MITF: variants seen among roughly 807,000 people sequenced by gnomAD.
The protein encoded by MITF is microphthalmia-associated transcription factor.
MITF carries 17 observed loss-of-function variants against 60.5 expected under a neutral mutation model. The observed-to-expected ratio is 0.28, with a 90% CI of 0.19 to 0.42. The LOEUF is 0.42. Among genes scored for constraint, MITF ranks in the 10% least tolerant of loss-of-function variants. The pLI, the probability that MITF is intolerant of heterozygous loss-of-function variation, is 1.00. For missense variants in MITF, 622 were observed against 683.5 expected (o/e 0.91, Z 1.00); for synonymous variants, 260 against 248.5 (o/e 1.05, Z -0.43).
At chr3:69,835,661 G>T (rs2063528503) in intron 1 of MITF, among the ~76,000 whole-genome samples, 1 of 152,108 alleles carries the variant, frequency 6.6e-6, no homozygotes, top group African/African-American at 2.4e-5. Flanking sequence ...TATATGGTGA[G>T]AGGTAGGGGC....
chr3:69,845,994 G>A (rs2063725723), intron 1 of MITF, among the ~76,000 whole-genome samples: 1 of 152,182 alleles, frequency 6.6e-6, no homozygotes, highest in African/African-American at 2.4e-5. Flanking sequence ...TGGGAATAGA[G>A]CAGTAAATAA....
intron 2 of MITF, among the ~76,000 whole-genome samples, chr3:69,908,432 C>T (rs1391155886): frequency 6.6e-6 from 1 of 151,982 alleles, no homozygotes; most frequent in African/African-American, 2.4e-5. Context: ...TCTTTTTGTA[C>T]ACCAGCCCCA....
In MITF at chr3:69,965,742, G is replaced by A. The variant is rs2066674985; in HGVS notation, c.*494G>A. 4 of 235,842 alleles carry A rather than the reference G, an allele frequency of 1.7e-5. No individual in the cohort carries two copies. Among genetic ancestry groups the A allele is most frequent in the Non-Finnish European group, 3.3e-5 (4 of 119,586 alleles). 14.6% of individuals were successfully genotyped at this position (235,842 alleles called of 1,614,324 possible). A position where few individuals can be genotyped will look rare whatever the true frequency, so the allele number is the denominator to read the frequency against. On this transcript the variant is annotated 3_prime_UTR_variant, in exon 10 of 10. Transcript: ENST00000352241. ...ATTGATTCATTGGTACTGCCTTAAA[G>A]ATACAGTACCCCTCTAGCTTTGTTT...
At chr3:69,880,888 G>A (rs995543789) in intron 2 of MITF, among the ~76,000 whole-genome samples, 3 of 151,862 alleles carry the variant, frequency 2.0e-5, no homozygotes, top group African/African-American at 4.8e-5. Context: ...ATGGATTTGG[G>A]CTACTAGTGG....
At chr3:69,924,749 T>A (rs1403077714) in intron 2 of MITF, among the ~76,000 whole-genome samples, 3 of 152,170 alleles carry the variant, frequency 2.0e-5, no homozygotes, top group Non-Finnish European at 2.9e-5. Context: ...GAATTTACAA[T>A]TTCCCTAAAA....
chr3:69,840,760 T>C (rs1415185745), intron 1 of MITF, among the ~76,000 whole-genome samples: 1 of 151,676 alleles, frequency 6.6e-6, no homozygotes, highest in African/African-American at 2.4e-5. Context: ...TTTCTCTTTT[T>C]TTTTTTTTTT....
chr3:69,756,654 A>T lies in MITF; in HGVS notation c.104+16953A>T, dbSNP rs564071088. On this transcript the variant is annotated intron_variant, in intron 1 of 9. Coordinates refer to ENST00000352241, the MANE Select transcript of MITF (RefSeq NM_001354604.2). The stretch of plus-strand genomic sequence containing the variant: ...TAATCCTTTGGGTATATACCCAGTA[A>T]TGGGATTGCTGGGTCAAATGGTATT... Among the ~76,000 whole-genome samples, 25 of 152,306 alleles carry T rather than the reference A, an allele frequency of 1.6e-4. No homozygotes were observed. The South Asian group carries it at 3.3e-3, about 20-fold the overall frequency.
chr3:69,765,856 A>G (rs959233954), intron 1 of MITF, among the ~76,000 whole-genome samples: 1 of 152,236 alleles, frequency 6.6e-6, no homozygotes, highest in African/African-American at 2.4e-5. Context: ...TAACATTGCA[A>G]TGATAAGTTC....
At chr3:69,929,991 C>T (rs528628093) in intron 2 of MITF, among the ~76,000 whole-genome samples, 2 of 152,076 alleles carry the variant, frequency 1.3e-5, no homozygotes, top group East Asian at 3.9e-4. Flanking sequence ...ATTTTTTGAC[C>T]TACCCCCGCC....
rs2066666456 is a variant in MITF at position 69,965,391 on chromosome 3, T to C, written c.*143T>C. ...GCTTTATCAATAGCCCAGGATATATTTTATTTTTAGAATTTTGTGAAACAG... is the reference window on the plus strand; with the variant it reads ...GCTTTATCAATAGCCCAGGATATATCTTATTTTTAGAATTTTGTGAAACAG... On this transcript the variant is annotated 3_prime_UTR_variant, in exon 10 of 10. Coordinates refer to ENST00000352241, the MANE Select transcript of MITF (RefSeq NM_001354604.2). 1 of 825,412 alleles carries C rather than the reference T, an allele frequency of 1.2e-6. No individual in the cohort carries two copies. Among genetic ancestry groups the C allele is most frequent in the Non-Finnish European group, 1.8e-6 (1 of 540,710 alleles). The allele number at this position is 825,412 out of a possible 1,614,324, so 51.1% of individuals were successfully genotyped here. A position where few individuals can be genotyped will look rare whatever the true frequency, so the allele number is the denominator to read the frequency against.
chr3:69,938,172 C>G (rs1459216945), intron 3 of MITF, 123 bp downstream of exon 3: 1 of 1,209,802 alleles, frequency 8.3e-7, no homozygotes, highest in African/African-American at 1.5e-5. Flanking sequence ...CAGCCTTTGT[C>G]CCCGATTCAC....
chr3:69,844,820 G>T (rs62252239), intron 1 of MITF, among the ~76,000 whole-genome samples: 22,851 of 151,914 alleles, frequency 0.15, 2,012 homozygotes, highest in South Asian at 0.21. Context: ...CCAGTGCTGA[G>T]ACAATTTCAC....
chr3:69,828,940 G>A (rs1288042410), intron 1 of MITF, among the ~76,000 whole-genome samples: 1 of 114,016 alleles, frequency 8.8e-6, no homozygotes, highest in Admixed American at 8.1e-5. Context: ...CTGGAATATC[G>A]TGTGAGTGTG....
At chr3:69,961,598 G>A (rs912117544) in intron 9 of MITF, among the ~76,000 whole-genome samples, 1 of 151,736 alleles carries the variant, frequency 6.6e-6, no homozygotes, top group Non-Finnish European at 1.5e-5. Context: ...GCTGGGCATG[G>A]TGGTGGATGC....
rs2066721701 is a variant in MITF, at chr3:69,967,642, C to G, written c.*2394C>G. 8.6e-6 allele frequency: 2 copies of G among 233,288 alleles called. No individual in the cohort carries two copies. Among genetic ancestry groups the G allele is most frequent in the Non-Finnish European group, 1.7e-5 (2 of 117,978 alleles). The allele number at this position is 233,288 out of a possible 1,614,324, so 14.5% of individuals were successfully genotyped here. On this transcript the variant is annotated 3_prime_UTR_variant, in exon 10 of 10. Coordinates refer to ENST00000352241, the MANE Select transcript of MITF (RefSeq NM_001354604.2). ...ATTGCCTGCCTCCCCCTCCCCTTCT[C>G]CTTAAGAGACAATTTCTGCAGGTGG...
rs1184651636 is a variant in MITF, at chr3:69,830,325, A to G, written c.105-48809A>G. ...TCCTCACTCTTGCCCAGTGTGCTGC[A>G]CAGGAGCTCACCTGGGTGTGTACTT... On this transcript the variant is annotated intron_variant, in intron 1 of 9. Transcript: ENST00000352241. Among the ~76,000 whole-genome samples, 4 of 152,068 alleles carry G rather than the reference A, an allele frequency of 2.6e-5. No individual in the cohort carries two copies. In the East Asian group the frequency reaches 7.7e-4, roughly 29 times the overall value.
At chr3:69,963,736 C>A (rs2066608917) in intron 9 of MITF, among the ~76,000 whole-genome samples, 1 of 152,108 alleles carries the variant, frequency 6.6e-6, no homozygotes, top group Admixed American at 6.5e-5. Flanking sequence ...AAAAGCTCAA[C>A]TTTGCAATGA....
At chr3:69,802,689 T>C (rs1228549833) in intron 1 of MITF, among the ~76,000 whole-genome samples, 1 of 145,486 alleles carries the variant, frequency 6.9e-6, no homozygotes, top group African/African-American at 2.5e-5. Context: ...TATTCTTTTT[T>C]TTTTTTTTTT....
At chr3:69,840,295 C>A (rs958733169) in intron 1 of MITF, among the ~76,000 whole-genome samples, 2 of 152,114 alleles carry the variant, frequency 1.3e-5, no homozygotes, top group African/African-American at 4.8e-5. Context: ...TAAGGTGAAC[C>A]ACTGTGAGGT....
Sources: gnomAD v4.1 joint callset for allele counts (sites outside exome capture counted in the v4.1 genomes callset) on GRCh38, gnomAD v4.1.1 for gene constraint, MANE v1.5 for transcripts, NCBI Gene and HGNC (gene_info 2026-07-23, HGNC 2026-07-21) for gene names.